ANXA4: variants seen among roughly 807,000 people sequenced by gnomAD.
ANXA4 encodes annexin A4.
ANXA4 carries 39 observed loss-of-function variants against 49.8 expected under a neutral mutation model. The ratio of observed to expected loss-of-function variants is 0.78; its 90% CI spans 0.61 to 1.02. The LOEUF is 1.02. Ranked by LOEUF, ANXA4 falls within the 50% of genes least tolerant of loss-of-function variation. The probability of loss-of-function intolerance (pLI) is 0.00; values close to 1 mark genes in which losing one functional copy is unlikely to be tolerated. For missense variants in ANXA4, 360 were observed against 410.1 expected, an observed-to-expected ratio of 0.88 and a Z score of 1.05; for synonymous variants, 134 against 152.5, an observed-to-expected ratio of 0.88 and a Z score of 0.89.
chr2:69,653,478 G>A (rs932936327), intron 2 of ANXA4, among the ~76,000 whole-genome samples: 22 of 152,088 alleles, frequency 1.4e-4, no homozygotes, highest in African/African-American at 5.3e-4. Context: ...AGAGTCCTGG[G>A]GACACAGGAA....
At chr2:69,656,313 GTATATATA>G (rs367863366) in intron 2 of ANXA4, among the ~76,000 whole-genome samples, 2 of 74,178 alleles carry the variant, frequency 2.7e-5, no homozygotes, top group Non-Finnish European at 5.8e-5. Context: ...ATGTATATAT[GTATATATA>G]TGTATATATA....
chr2:69,801,878 A>G (rs1258421038), intron 3 of ANXA4, among the ~76,000 whole-genome samples: 2 of 152,216 alleles, frequency 1.3e-5, no homozygotes, highest in Non-Finnish European at 2.9e-5. Flanking sequence ...GGAATGACCC[A>G]CAGGCACTGG....
rs755488035 is a variant in ANXA4 at position 69,826,596 on chromosome 2, C to G, written c.*1081C>G. ...GGTCAGGAGTTCAAGACTAGCCTGG[C>G]CAACATGGAGAAACTGCATCTCTAC... On this transcript the variant is annotated 3_prime_UTR_variant, in exon 13 of 13. Transcript: ENST00000394295. 1.3e-5 allele frequency: 2 copies of G among 152,036 alleles called. No homozygotes were observed. Among genetic ancestry groups the G allele is most frequent in the Non-Finnish European group, 2.9e-5 (2 of 68,020 alleles). The allele number at this position is 152,036 out of a possible 1,614,324, so 9.4% of individuals were successfully genotyped here.
chr2:69,711,949 G>C (rs1004511074), intron 2 of ANXA4, among the ~76,000 whole-genome samples: 1 of 152,020 alleles, frequency 6.6e-6, no homozygotes, highest in East Asian at 1.9e-4. Flanking sequence ...AAAGGAAAAA[G>C]GAGAGCAAGA....
intron 1 of ANXA4, among the ~76,000 whole-genome samples, chr2:69,768,605 CA>C (rs1671587595): frequency 6.6e-6 from 1 of 152,152 alleles, no homozygotes; most frequent in Non-Finnish European, 1.5e-5. Flanking sequence ...TGGTACCTGA[CA>C]TGGGGCAGGC....
At chr2:69,692,739 A>T (rs1678017629) in intron 2 of ANXA4, among the ~76,000 whole-genome samples, 1 of 152,196 alleles carries the variant, frequency 6.6e-6, no homozygotes. Context: ...ACAAGTATAT[A>T]CTGAGTATTT....
intron 1 of ANXA4, among the ~76,000 whole-genome samples, chr2:69,775,147 C>A (rs1671912877): frequency 6.6e-6 from 1 of 152,126 alleles, no homozygotes. Context: ...GCCTTCCACC[C>A]CACATAAACT....
intron 3 of ANXA4, among the ~76,000 whole-genome samples, chr2:69,722,221 G>A (rs996337006): frequency 3.9e-5 from 6 of 152,134 alleles, no homozygotes; most frequent in African/African-American, 1.4e-4. Context: ...AACCTTAAAG[G>A]TCTATGGTCT....
intron 1 of ANXA4, among the ~76,000 whole-genome samples, chr2:69,757,266 A>ATTTTT (rs1177266386): frequency 3.6e-5 from 1 of 27,644 alleles, no homozygotes; most frequent in Non-Finnish European, 6.7e-5. Flanking sequence ...ATATATATAT[A>ATTTTT]TTTTTTTTTT....
At chr2:69,735,038 A>G (rs1262019965) in intron 3 of ANXA4, among the ~76,000 whole-genome samples, 1 of 152,144 alleles carries the variant, frequency 6.6e-6, no homozygotes, top group Non-Finnish European at 1.5e-5. Context: ...AACCTTTGAT[A>G]CTGGGGAATT....
chr2:69,702,053 C>G (rs988450917), intron 2 of ANXA4, among the ~76,000 whole-genome samples: 1 of 151,816 alleles, frequency 6.6e-6, no homozygotes, highest in Non-Finnish European at 1.5e-5. Context: ...ACTCTGTCAC[C>G]CAGGCTGGAA....
intron 1 of ANXA4, among the ~76,000 whole-genome samples, chr2:69,768,562 C>T (rs144219268): frequency 2.7e-4 from 41 of 152,158 alleles, no homozygotes; most frequent in Middle Eastern, 3.4e-3. Context: ...GGTATACAGG[C>T]GGAAAGGAAA....
At chr2:69,784,854 C>G (rs1380005161) in intron 2 of ANXA4, among the ~76,000 whole-genome samples, 6 of 152,216 alleles carry the variant, frequency 3.9e-5, no homozygotes, top group African/African-American at 1.4e-4. Flanking sequence ...TCATACGGTG[C>G]TCACCCCTTG....
intron 1 of ANXA4, among the ~76,000 whole-genome samples, chr2:69,768,837 A>G (rs977064745): frequency 6.6e-6 from 1 of 152,136 alleles, no homozygotes; most frequent in Non-Finnish European, 1.5e-5. Flanking sequence ...GCACTTTGGG[A>G]GGTGGAGGCA....
chr2:69,788,670 T>A (rs1179997832), intron 3 of ANXA4, among the ~76,000 whole-genome samples: 1 of 151,446 alleles, frequency 6.6e-6, no homozygotes, highest in Non-Finnish European at 1.5e-5. Flanking sequence ...ACCCCGTCTC[T>A]ACTAAAAATA....
intron 1 of ANXA4, 126 bp from the exon 2 acceptor site, chr2:69,781,394 G>A (rs1423803083): frequency 5.5e-6 from 4 of 728,932 alleles, no homozygotes; most frequent in Non-Finnish European, 9.4e-6. Context: ...TCAGTAACTG[G>A]CCTTTTGATT....
At chr2:69,716,499 C>G (rs546551362) in intron 2 of ANXA4, among the ~76,000 whole-genome samples, 1 of 152,226 alleles carries the variant, frequency 6.6e-6, no homozygotes, top group Non-Finnish European at 1.5e-5. Context: ...GTTGGAGAGA[C>G]GGGCGAGAGC....
At chr2:69,731,980 CTTTTTTTTTT>C (rs11425067) in intron 3 of ANXA4, among the ~76,000 whole-genome samples, 3 of 120,166 alleles carry the variant, frequency 2.5e-5, no homozygotes, top group African/African-American at 6.4e-5. Flanking sequence ...TCTTTTCTTT[CTTTTTTTTTT>C]TTTTTTTTGA....
chr2:69,657,452 G>A (rs1312123020), intron 2 of ANXA4, among the ~76,000 whole-genome samples: 7 of 148,536 alleles, frequency 4.7e-5, no homozygotes, highest in African/African-American at 7.9e-5. Context: ...TTTAATGTAC[G>A]CAATGGAGAC....
Sources: allele counts gnomAD v4.1 joint callset (sites outside exome capture counted in the v4.1 genomes callset), GRCh38; gene constraint gnomAD v4.1.1; transcripts MANE v1.5; gene names NCBI Gene and HGNC (gene_info 2026-07-23, HGNC 2026-07-21).